Variants in BRIP1 observed in about 807,000 individuals in gnomAD.
BRIP1 encodes the protein Fanconi anemia group J protein.
Under a neutral mutation model 119.7 loss-of-function variants are expected in BRIP1, and 88 were observed. The observed-to-expected ratio is 0.74, with a 90% CI of 0.62 to 0.88. The LOEUF (loss-of-function observed/expected upper bound fraction) is 0.88, where lower values mean the gene tolerates loss of function less well. Among genes scored for constraint, BRIP1 ranks in the 40% least tolerant of loss-of-function variants. The pLI is 0.00. For missense variants in BRIP1, 1,259 were observed against 1,455.4 expected (o/e 0.87, Z 2.20); for synonymous variants, 443 against 496.5 (o/e 0.89, Z 1.43).
chr17:61,862,418 T>C lies in BRIP1; in HGVS notation c.-30-849A>G, dbSNP rs1387779090. 2.0e-5 allele frequency among the ~76,000 whole-genome samples: 3 copies of C among 152,212 alleles called. No individual in the cohort carries two copies. The highest frequency in any genetic ancestry group is 4.4e-5 in the Non-Finnish European group (3 of 68,032). On this transcript the variant is annotated intron_variant, in intron 1 of 19. Transcript: ENST00000259008. The surrounding 1 kb of genome is among the most constrained non-coding windows in gnomAD (Gnocchi z 5.3). The stretch of plus-strand genomic sequence containing the variant: ...ATATATGGAATTGAAATACTACTAC[T>C]TACCTGACAGGGTTTTTATGAAAAT...
At chr17:61,696,155 TTGAG>T (rs1399477032) in intron 17 of BRIP1, among the ~76,000 whole-genome samples, 1 of 152,098 alleles carries the variant, frequency 6.6e-6, no homozygotes, top group East Asian at 1.9e-4. Context: ...TCCCACTTTG[TTGAG>T]TATTTTCATC....
chr17:61,694,999 TGAA>T (rs2144201532), intron 17 of BRIP1, among the ~76,000 whole-genome samples: 1 of 152,006 alleles, frequency 6.6e-6, no homozygotes, highest in East Asian at 1.9e-4. Context: ...TACTGTCCTT[TGAA>T]GAATAAAAAT....
At chr17:61,781,178 A>G (rs1018113933) in intron 11 of BRIP1, among the ~76,000 whole-genome samples, 173 bp from the exon 12 acceptor site, 7 of 152,242 alleles carry the variant, frequency 4.6e-5, no homozygotes, top group African/African-American at 1.7e-4. Context: ...TGATATTAAT[A>G]AAGCCATTAA....
In BRIP1 at chr17:61,844,363, T is replaced by G. The variant is rs777980565; in HGVS notation, c.627+2738A>C. On this transcript the variant is annotated intron_variant, in intron 6 of 19. Transcript: ENST00000259008. The surrounding 1 kb of genome is among the most constrained non-coding windows in gnomAD (Gnocchi z 4.7). ...ACTCTGGGAGGCCCAGGCAAGAGGA[T>G]CACTGGAGGCCATGAGTTTGAGACC... is the stretch of plus-strand genomic sequence containing the variant. Among the ~76,000 whole-genome samples, 3 of 152,066 alleles carry G rather than the reference T, an allele frequency of 2.0e-5. No individual in the cohort carries two copies. Among genetic ancestry groups the G allele is most frequent in the Non-Finnish European group, 4.4e-5 (3 of 68,022 alleles).
In BRIP1 at chr17:61,770,323, A is replaced by G. The variant is rs2077429994; in HGVS notation, c.2097+6078T>C. ...AACAGCAGAGGATTACAACAGAGAG[A>G]GACAGCTGCAAGGCTCAGATTCTAT... On this transcript the variant is annotated intron_variant, in intron 14 of 19. Transcript: ENST00000259008. This position sits in a 1 kb window ranked among gnomAD's most constrained non-coding sequence, Gnocchi z 4.7. 6.6e-6 allele frequency among the ~76,000 whole-genome samples: 1 copy of G among 152,230 alleles called. No homozygotes were observed. The highest frequency in any genetic ancestry group is 1.5e-5 in the Non-Finnish European group (1 of 68,046).
chr17:61,836,240 A>T (rs781773012), intron 6 of BRIP1, among the ~76,000 whole-genome samples: 1 of 150,480 alleles, frequency 6.6e-6, no homozygotes, highest in Non-Finnish European at 1.5e-5. Context: ...GCCTCCTGGT[A>T]GCTGGGACCA....
At position 61,803,011 on chromosome 17, in the gene BRIP1, T is replaced by C. The variant is rs545742511; in HGVS notation, c.919-1537A>G. Among the ~76,000 whole-genome samples, 4 of 152,246 alleles carry C rather than the reference T, an allele frequency of 2.6e-5. No homozygotes were observed. Among genetic ancestry groups the C allele is most frequent in the African/African-American group, 9.6e-5 (4 of 41,510 alleles). ...TAGTTTCTAGCAAAGTTTAACATAG[T>C]GTTGTATGAATAGTCTAACAAGGTT... On this transcript the variant is annotated intron_variant, in intron 7 of 19. Coordinates refer to ENST00000259008, the MANE Select transcript of BRIP1 (RefSeq NM_032043.3). The surrounding 1 kb of genome is among the most constrained non-coding windows in gnomAD (Gnocchi z 4.3).
chr17:61,839,411 A>G (rs989311153), intron 6 of BRIP1, among the ~76,000 whole-genome samples: 10 of 151,930 alleles, frequency 6.6e-5, no homozygotes, highest in Non-Finnish European at 1.3e-4. Flanking sequence ...TTTTTTTCCC[A>G]TAACCTTTCA....
rs949646541 is a variant in BRIP1, at chr17:61,720,869, A to T, written c.2380-4806T>A. ...ACTTTTTCTTTTTTTTTTGAGACAG[A>T]GTCTCGCTCCATTGCCCAGGCTGGA... On this transcript the variant is annotated intron_variant, in intron 16 of 19. Transcript: ENST00000259008. This position sits in a 1 kb window ranked among gnomAD's most constrained non-coding sequence, Gnocchi z 4.3. 1.3e-5 allele frequency among the ~76,000 whole-genome samples: 2 copies of T among 152,052 alleles called. No homozygotes were observed. The highest frequency in any genetic ancestry group is 4.8e-5 in the African/African-American group (2 of 41,396).
rs2077412572 is a variant in BRIP1 at position 61,769,155 on chromosome 17, T to TA, written c.2097+7245dup. Reference sequence around the variant, plus strand: ...GCTAATCTTTCCCCAGTCAAGCCTTTAGTGAGACCACAACCCCAGTTGACT... The same window carrying TA: ...GCTAATCTTTCCCCAGTCAAGCCTTTAAGTGAGACCACAACCCCAGTTGACT... On this transcript the variant is annotated intron_variant, in intron 14 of 19. Coordinates refer to ENST00000259008, the MANE Select transcript of BRIP1 (RefSeq NM_032043.3). The surrounding 1 kb of genome is among the most constrained non-coding windows in gnomAD (Gnocchi z 4.9). Among the ~76,000 whole-genome samples the TA allele has an allele frequency of 6.6e-6, 1 of 152,122 alleles. No homozygotes were observed. The highest frequency in any genetic ancestry group is 2.4e-5 in the African/African-American group (1 of 41,422).
rs1249331715 is a variant in BRIP1, at chr17:61,722,830, T to C, written c.2380-6767A>G. ...TGTATGGCTACATTGTTTTAATTTA[T>C]TGCAAATTTTCAAACACCTTTTACA... On this transcript the variant is annotated intron_variant, in intron 16 of 19. Transcript: ENST00000259008. The surrounding 1 kb of genome is among the most constrained non-coding windows in gnomAD (Gnocchi z 4.6). 6.6e-6 allele frequency among the ~76,000 whole-genome samples: 1 copy of C among 152,182 alleles called. No homozygotes were observed. Among genetic ancestry groups the C allele is most frequent in the Non-Finnish European group, 1.5e-5 (1 of 68,020 alleles).
intron 6 of BRIP1, among the ~76,000 whole-genome samples, chr17:61,836,050 A>G (rs1266562607): frequency 6.6e-6 from 1 of 150,854 alleles, no homozygotes; most frequent in Non-Finnish European, 1.5e-5. Context: ...GAACATTTTA[A>G]TTTTTATTCT....
At position 61,700,466 on chromosome 17, in the gene BRIP1, T is replaced by A. The variant is rs1210068646; in HGVS notation, c.2493-6954A>T. 6.6e-6 allele frequency among the ~76,000 whole-genome samples: 1 copy of A among 152,198 alleles called. No homozygotes were observed. The highest frequency in any genetic ancestry group is 1.9e-4 in the East Asian group (1 of 5,192). ...ATTTCTGAAGGACAGTTTTGTTAGA[T>A]ATAGTATTCTTGGTTGACAGTCATT... On this transcript the variant is annotated intron_variant, in intron 17 of 19. Transcript: ENST00000259008. The surrounding 1 kb of genome is among the most constrained non-coding windows in gnomAD (Gnocchi z 4.1).
chr17:61,719,286 A>G (rs1340990906), intron 16 of BRIP1, among the ~76,000 whole-genome samples: 1 of 151,282 alleles, frequency 6.6e-6, no homozygotes, highest in African/African-American at 2.5e-5. Context: ...TATATACACA[A>G]TGGAATACTA....
intron 17 of BRIP1, among the ~76,000 whole-genome samples, chr17:61,707,644 T>C (rs991612709): frequency 6.6e-6 from 1 of 152,170 alleles, no homozygotes; most frequent in Non-Finnish European, 1.5e-5. Flanking sequence ...TAAAAATTGT[T>C]GGTATCATGT....
Position 61,768,105 on chromosome 17 carries a change from G to A in BRIP1, c.2097+8296C>T, listed in dbSNP as rs9907338. On this transcript the variant is annotated intron_variant, in intron 14 of 19. Coordinates refer to ENST00000259008, the MANE Select transcript of BRIP1 (RefSeq NM_032043.3). This position sits in a 1 kb window ranked among gnomAD's most constrained non-coding sequence, Gnocchi z 5.0. ...CAACCCAAACTGAAATCTTCTTGAA[G>A]AGACAGTAACTTGTTTATTTTTGAA... 0.025 allele frequency among the ~76,000 whole-genome samples: 3,860 copies of A among 152,250 alleles called. 150 individuals carry two copies. Among genetic ancestry groups the A allele is most frequent in the African/African-American group, 0.087 (3,619 of 41,526 alleles).
Position 61,794,496 on chromosome 17 carries a change from T to C in BRIP1, c.1341-767A>G, listed in dbSNP as rs1381754442. On this transcript the variant is annotated intron_variant, in intron 9 of 19. Transcript: ENST00000259008. This position sits in a 1 kb window ranked among gnomAD's most constrained non-coding sequence, Gnocchi z 4.3. ...GTGAGAGCTAAATGATGAGACCACA[T>C]GGACAAGAGGGGAACAGCACATACT... Among the ~76,000 whole-genome samples, 1 of 151,916 alleles carries C rather than the reference T, an allele frequency of 6.6e-6. No homozygotes were observed. Among genetic ancestry groups the C allele is most frequent in the African/African-American group, 2.4e-5 (1 of 41,352 alleles).
At chr17:61,835,959 G>A (rs1289607810) in intron 6 of BRIP1, among the ~76,000 whole-genome samples, 5 of 151,922 alleles carry the variant, frequency 3.3e-5, no homozygotes, top group South Asian at 4.2e-4. Flanking sequence ...TTATAGAAAC[G>A]GATCTAGAAA....
chr17:61,696,693 A>T (rs1285614074), intron 17 of BRIP1, among the ~76,000 whole-genome samples: 2 of 151,268 alleles, frequency 1.3e-5, no homozygotes, highest in African/African-American at 4.9e-5. Flanking sequence ...TCACAAAAAA[A>T]AAAAAAAAAA....
Sources: allele counts gnomAD v4.1 joint callset (sites outside exome capture counted in the v4.1 genomes callset), GRCh38; gene constraint gnomAD v4.1.1; non-coding constraint Gnocchi (gnomAD v3.1); transcripts MANE v1.5; gene names NCBI Gene and HGNC (gene_info 2026-07-23, HGNC 2026-07-21).